The following COL14A1 variants were observed in gnomAD, a reference collection of about 807,000 sequenced individuals.
The protein encoded by COL14A1 is collagen alpha-1(XIV) chain.
Under a neutral mutation model 230.3 loss-of-function variants are expected in COL14A1, and 136 were observed. The ratio of observed to expected loss-of-function variants is 0.59; its 90% CI spans 0.51 to 0.68. COL14A1 has a LOEUF of 0.68. COL14A1 is among the 30% of genes least tolerant of loss of function. COL14A1 has a pLI of 0.00. For synonymous variants in COL14A1, 792 were observed against 784.1 expected (o/e 1.01, Z -0.17); for missense variants, 1,976 against 2,215.8 (o/e 0.89, Z 2.17).
intron 5 of COL14A1, among the ~76,000 whole-genome samples, chr8:120,189,436 ATATCTTCC>A (rs1214783649): frequency 6.6e-6 from 1 of 151,892 alleles, no homozygotes; most frequent in Non-Finnish European, 1.5e-5. Flanking sequence ...TGTTGAAAAA[ATATCTTCC>A]TATGAGTCTT....
intron 46 of COL14A1, 103 bp from the exon 47 acceptor site, chr8:120,369,227 C>T (rs576639135): frequency 8.0e-7 from 1 of 1,246,086 alleles, no homozygotes; most frequent in African/African-American, 1.5e-5. Context: ...CCTAATTGTC[C>T]TAAAAGTTGC....
At position 120,212,477 on chromosome 8, in the gene COL14A1, T is replaced by C. The variant is rs773771889; in HGVS notation, c.1497T>C (p.Ile499=). 8 of 1,613,306 alleles carry C rather than the reference T, an allele frequency of 5.0e-6. No homozygotes were observed. The highest frequency in any genetic ancestry group is 6.8e-6 in the Non-Finnish European group (8 of 1,179,516). The change falls in exon 13 of 48, where the codon ATT becomes ATC. Residue 499 remains isoleucine (I), a synonymous_variant. Transcript: ENST00000297848. ...EMKIGETHTD[I]ELSGLLPNTE... is the part of the protein sequence containing the mutation. ...AAATTGGAGAGACCCACACAGATAT[T>C]GAATTGAGTGGGTTGTTGCCCAATA...
At chr8:120,359,027 A>G (rs1823088384) in intron 45 of COL14A1, among the ~76,000 whole-genome samples, 1 of 152,116 alleles carries the variant, frequency 6.6e-6, no homozygotes, top group Non-Finnish European at 1.5e-5. Context: ...TAGTTTGGAA[A>G]AACATAATGA....
At chr8:120,364,775 C>G (rs2130380668) in intron 45 of COL14A1, among the ~76,000 whole-genome samples, 1 of 150,966 alleles carries the variant, frequency 6.6e-6, no homozygotes, top group East Asian at 2.0e-4. Context: ...CACAGACACT[C>G]AGGAGGCTGA....
At chr8:120,261,587 G>A (rs939117302) in intron 23 of COL14A1, among the ~76,000 whole-genome samples, 4 of 152,138 alleles carry the variant, frequency 2.6e-5, no homozygotes, top group Admixed American at 2.6e-4. Context: ...TTTTTCTATG[G>A]ATGTGGGAAC....
chr8:120,202,572 C>T (rs918477237), intron 8 of COL14A1, among the ~76,000 whole-genome samples: 1 of 152,156 alleles, frequency 6.6e-6, no homozygotes, highest in African/African-American at 2.4e-5. Context: ...CATGCCTCTC[C>T]TTTCCTATCT....
At position 120,168,154 on chromosome 8, in the gene COL14A1, C is replaced by T; in HGVS notation, c.350-7C>T. 1 of 1,594,998 alleles carries T rather than the reference C, an allele frequency of 6.3e-7. No individual in the cohort carries two copies. The highest frequency in any genetic ancestry group is 8.6e-7 in the Non-Finnish European group (1 of 1,165,518). Reference sequence around the variant, plus strand: ...AACATGGTGCTGTATCTCTACTTTTCTTCCAGTTAAAGATTTAGAAAAAAG... The same window carrying T: ...AACATGGTGCTGTATCTCTACTTTTTTTCCAGTTAAAGATTTAGAAAAAAG... On this transcript the variant is annotated splice_polypyrimidine_tract_variant and splice_region_variant and intron_variant, in intron 4 of 47. Coordinates refer to ENST00000297848, the MANE Select transcript of COL14A1 (RefSeq NM_021110.4).
chr8:120,139,421 G>A (rs1225802133), intron 1 of COL14A1, among the ~76,000 whole-genome samples: 6 of 152,120 alleles, frequency 3.9e-5, no homozygotes, highest in Non-Finnish European at 5.9e-5. Flanking sequence ...TGATAAAAAT[G>A]GCTAGAAATG....
chr8:120,228,603 G>A, intron 17 of COL14A1, 107 bp from the exon 18 acceptor site: 2 of 781,076 alleles, frequency 2.6e-6, no homozygotes, highest in Non-Finnish European at 2.2e-6. Context: ...TTTGTTGTGG[G>A]AGGCAAGTGA....
chr8:120,146,604 A>G (rs757490066), intron 1 of COL14A1, among the ~76,000 whole-genome samples: 2 of 152,210 alleles, frequency 1.3e-5, no homozygotes, highest in Non-Finnish European at 2.9e-5. Context: ...AATTCCAGAT[A>G]AACAATGATT....
chr8:120,190,829 C>T (rs1358142706), intron 5 of COL14A1, among the ~76,000 whole-genome samples: 3 of 152,148 alleles, frequency 2.0e-5, no homozygotes, highest in Admixed American at 6.6e-5. Flanking sequence ...AGTTTATTTG[C>T]ATAGAGGTGT....
chr8:120,215,692 G>A (rs1281722395), intron 13 of COL14A1, among the ~76,000 whole-genome samples: 1 of 152,156 alleles, frequency 6.6e-6, no homozygotes, highest in Non-Finnish European at 1.5e-5. Context: ...TGGCAGTGGA[G>A]GTGAAGAGAA....
chr8:120,254,154 G>A (rs1041122352), intron 22 of COL14A1, among the ~76,000 whole-genome samples: 2 of 152,070 alleles, frequency 1.3e-5, no homozygotes, highest in Non-Finnish European at 2.9e-5. Flanking sequence ...GAGAGAGAGA[G>A]AAATAATAGA....
chr8:120,231,936 T>C (rs1818283100), intron 19 of COL14A1: 1 of 236,516 alleles, frequency 4.2e-6, no homozygotes, highest in Non-Finnish European at 8.3e-6. Flanking sequence ...CTTGTGTCTG[T>C]ATATATGTAT....
chr8:120,281,364 G>T (rs1820031976), intron 31 of COL14A1, among the ~76,000 whole-genome samples: 1 of 151,784 alleles, frequency 6.6e-6, no homozygotes, highest in South Asian at 2.1e-4. Context: ...AAGTTTGAGA[G>T]CAGCCTGGGC....
At chr8:120,155,837 AAC>A (rs371467908) in intron 2 of COL14A1, among the ~76,000 whole-genome samples, 105 of 152,330 alleles carry the variant, frequency 6.9e-4, no homozygotes, top group African/African-American at 2.2e-3. Flanking sequence ...GCAAAATAGT[AAC>A]AGTTTTCTGT....
At chr8:120,368,171 T>G (rs2130394526) in intron 46 of COL14A1, among the ~76,000 whole-genome samples, 1 of 152,168 alleles carries the variant, frequency 6.6e-6, no homozygotes, top group East Asian at 1.9e-4. Context: ...TATTATATGC[T>G]TTTAGAATGG....
At chr8:120,205,861 CT>C (rs974369085) in intron 9 of COL14A1, among the ~76,000 whole-genome samples, 5 of 152,102 alleles carry the variant, frequency 3.3e-5, no homozygotes, top group African/African-American at 1.2e-4. Flanking sequence ...TGAGTAAGTG[CT>C]CTTAAAGGGT....
intron 5 of COL14A1, among the ~76,000 whole-genome samples, chr8:120,187,254 AT>A (rs1816679975): frequency 6.6e-6 from 1 of 152,206 alleles, no homozygotes; most frequent in African/African-American, 2.4e-5. Flanking sequence ...AAGATTTTTA[AT>A]TTGGTAATTT....
Sources: gnomAD v4.1 joint callset for allele counts (sites outside exome capture counted in the v4.1 genomes callset) on GRCh38, gnomAD v4.1.1 for gene constraint, MANE v1.5 for transcripts, NCBI Gene and HGNC (gene_info 2026-07-23, HGNC 2026-07-21) for gene names.